Variants in CAMTA1 observed in about 807,000 individuals in gnomAD.
The protein encoded by CAMTA1 is calmodulin binding transcription activator 1, also known as calmodulin-binding transcription activator 1.
Under a neutral mutation model 170.9 loss-of-function variants are expected in CAMTA1, and 27 were observed. That is an observed-to-expected ratio of 0.16 (90% confidence interval 0.12 to 0.22). The LOEUF (loss-of-function observed/expected upper bound fraction) is 0.22, where lower values mean the gene tolerates loss of function less well. Ranked by LOEUF, CAMTA1 falls within the 10% of genes least tolerant of loss-of-function variation. The probability of loss-of-function intolerance (pLI) is 1.00; values close to 1 mark genes in which losing one functional copy is unlikely to be tolerated. For synonymous variants in CAMTA1, 833 were observed against 891.5 expected (o/e 0.93, Z 1.17); for missense variants, 1,619 against 2,217.2 (o/e 0.73, Z 5.42).
Position 7,592,801 on chromosome 1 carries a change from C to T in CAMTA1, c.511-47599C>T, listed in dbSNP as rs769099307. On this transcript the variant is annotated intron_variant, in intron 6 of 22. Transcript: ENST00000303635. This position sits in a 1 kb window ranked among gnomAD's most constrained non-coding sequence, Gnocchi z 4.6. ...CCGAGAGCTCCTCCCCACCCTCACA[C>T]ACCTCAGCCTCTATAACAGTAACAA... 2.6e-4 allele frequency among the ~76,000 whole-genome samples: 40 copies of T among 152,216 alleles called. No homozygotes were observed. The highest frequency in any genetic ancestry group is 4.8e-4 in the Non-Finnish European group (33 of 68,048).
At chr1:7,722,133 C>T (rs542154962) in intron 11 of CAMTA1, among the ~76,000 whole-genome samples, 1 of 152,300 alleles carries the variant, frequency 6.6e-6, no homozygotes, top group African/African-American at 2.4e-5. Context: ...TCACTCACAG[C>T]AGACGCCCAG....
intron 21 of CAMTA1, among the ~76,000 whole-genome samples, chr1:7,755,083 T>C (rs1361299600): frequency 3.3e-5 from 5 of 152,094 alleles, no homozygotes; most frequent in Non-Finnish European, 7.4e-5. Context: ...CTCAGTACTT[T>C]GGGAGGCCGA....
At chr1:7,337,624 G>T (rs200890302) in intron 5 of CAMTA1, among the ~76,000 whole-genome samples, 31 of 143,368 alleles carry the variant, frequency 2.2e-4, no homozygotes, top group African/African-American at 7.7e-4. Context: ...CAATGTGGGC[G>T]GTGGGCCTCA....
At chr1:7,082,036 C>T (rs917021546) in intron 3 of CAMTA1, among the ~76,000 whole-genome samples, 1 of 152,220 alleles carries the variant, frequency 6.6e-6, no homozygotes, top group Admixed American at 6.5e-5. Flanking sequence ...ATTTTCCCCA[C>T]TCCCATGGCC....
At chr1:6,816,449 G>A (rs970215919) in intron 1 of CAMTA1, among the ~76,000 whole-genome samples, 2 of 152,122 alleles carry the variant, frequency 1.3e-5, no homozygotes, top group African/African-American at 4.8e-5. Context: ...TAGAACAAAT[G>A]GAAGGAGCTA....
rs1576672481 is a variant in CAMTA1, at chr1:7,661,672, A to G, written c.665-54A>G. ...TGGGTCCTACCCCTTGGCCCCACCC[A>G]GGTCCCCTCTGCACCCACGGGCTCT... is the stretch of plus-strand genomic sequence containing the variant. On this transcript the variant is annotated intron_variant, in intron 7 of 22. Transcript: ENST00000303635. 3 of 1,605,276 alleles carry G rather than the reference A, an allele frequency of 1.9e-6. No individual in the cohort carries two copies. In the East Asian group the frequency reaches 6.7e-5, roughly 36 times the overall value.
At chr1:6,894,046 A>G (rs1675134870) in intron 3 of CAMTA1, among the ~76,000 whole-genome samples, 1 of 152,256 alleles carries the variant, frequency 6.6e-6, no homozygotes, top group Non-Finnish European at 1.5e-5. Context: ...TTAAATGCTG[A>G]AAATGAAGAT....
chr1:7,618,467 T>C (rs142875572), intron 6 of CAMTA1, among the ~76,000 whole-genome samples: 39 of 152,316 alleles, frequency 2.6e-4, no homozygotes, highest in African/African-American at 9.1e-4. Flanking sequence ...AGACGTCAGC[T>C]TTCTCCCTGG....
At chr1:6,961,833 T>C (rs1451192704) in intron 3 of CAMTA1, among the ~76,000 whole-genome samples, 1 of 152,228 alleles carries the variant, frequency 6.6e-6, no homozygotes, top group African/African-American at 2.4e-5. Context: ...GCCCCCAGCC[T>C]CTAAACTAGA....
At chr1:7,031,954 TCTTA>T (rs1702875378) in intron 3 of CAMTA1, among the ~76,000 whole-genome samples, 2 of 151,968 alleles carry the variant, frequency 1.3e-5, no homozygotes, top group Non-Finnish European at 2.9e-5. Context: ...CCCCCTTTTC[TCTTA>T]TTTATTTATT....
chr1:7,089,115 C>T (rs971162425), intron 3 of CAMTA1, among the ~76,000 whole-genome samples: 4 of 152,262 alleles, frequency 2.6e-5, no homozygotes, highest in Non-Finnish European at 4.4e-5. Context: ...GCTCACACCA[C>T]GTAGATCTTA....
At chr1:7,731,571 C>CAAAAAAAAAA (rs536530455) in intron 11 of CAMTA1, among the ~76,000 whole-genome samples, 2 of 87,026 alleles carry the variant, frequency 2.3e-5, no homozygotes, top group Non-Finnish European at 2.4e-5. Context: ...CACTCTGTCT[C>CAAAAAAAAAA]AAAAAAAAAA....
chr1:7,429,908 T>A (rs1447193178), intron 5 of CAMTA1, among the ~76,000 whole-genome samples: 7 of 152,016 alleles, frequency 4.6e-5, no homozygotes, highest in African/African-American at 1.5e-4. Flanking sequence ...TGCTACACAC[T>A]TTTAAACAAC....
At chr1:7,749,121 C>G (rs1177269339) in intron 19 of CAMTA1, among the ~76,000 whole-genome samples, 1 of 152,054 alleles carries the variant, frequency 6.6e-6, no homozygotes, top group Non-Finnish European at 1.5e-5. Context: ...TCAGTAGATT[C>G]GAGAACCTTT....
chr1:7,520,147 G>T (rs2094340922), intron 6 of CAMTA1, among the ~76,000 whole-genome samples: 1 of 133,082 alleles, frequency 7.5e-6, no homozygotes, highest in African/African-American at 2.9e-5. Context: ...CCACCCTGTT[G>T]CTTTCAGCAC....
chr1:7,512,055 G>T (rs1306916405), intron 6 of CAMTA1, among the ~76,000 whole-genome samples: 1 of 152,220 alleles, frequency 6.6e-6, no homozygotes, highest in African/African-American at 2.4e-5. Context: ...CCACTCAGCT[G>T]CCTGGAAGGA....
At chr1:6,865,044 G>A (rs896061007) in intron 3 of CAMTA1, among the ~76,000 whole-genome samples, 4 of 152,162 alleles carry the variant, frequency 2.6e-5, no homozygotes, top group African/African-American at 9.7e-5. Flanking sequence ...GGCTCAAGCA[G>A]TCTTCCCTCC....
chr1:7,690,993 T>TGAGG (rs2096304312), intron 11 of CAMTA1, among the ~76,000 whole-genome samples: 1 of 151,996 alleles, frequency 6.6e-6, no homozygotes, highest in African/African-American at 2.4e-5. Context: ...ACGTGATGAG[T>TGAGG]ATCAGAAGAA....
Position 7,601,118 on chromosome 1 carries a change from C to T in CAMTA1, c.511-39282C>T, listed in dbSNP as rs1453511455. 2.7e-5 allele frequency among the ~76,000 whole-genome samples: 4 copies of T among 149,412 alleles called. No individual in the cohort carries two copies. In the East Asian group the frequency reaches 8.0e-4, roughly 30 times the overall value. On this transcript the variant is annotated intron_variant, in intron 6 of 22. Transcript: ENST00000303635. ...CGGCTGGCCGGGCCGGGGGCTGACC[C>T]CCCCACCTCCCTCCCGGACGGGGCG...
Sources: gnomAD v4.1 joint callset for allele counts (sites outside exome capture counted in the v4.1 genomes callset) on GRCh38, gnomAD v4.1.1 for gene constraint, Gnocchi (gnomAD v3.1) non-coding constraint, MANE v1.5 for transcripts, NCBI Gene and HGNC (gene_info 2026-07-23, HGNC 2026-07-21) for gene names.